CTNNA2: variants seen among roughly 807,000 people sequenced by gnomAD.
The protein encoded by CTNNA2 is catenin alpha-2.
Under a neutral mutation model 101.0 loss-of-function variants are expected in CTNNA2, and 42 were observed. The ratio of observed to expected loss-of-function variants is 0.42; its 90% CI spans 0.32 to 0.54. CTNNA2 has a LOEUF of 0.54. Among genes scored for constraint, CTNNA2 ranks in the 20% least tolerant of loss-of-function variants. CTNNA2 has a pLI of 0.14. For missense variants in CTNNA2, 871 were observed against 1,223.1 expected (o/e 0.71, Z 4.29); for synonymous variants, 450 against 456.4 (o/e 0.99, Z 0.18).
chr2:79,369,875 T>G (rs1677832373), intron 3 of CTNNA2, among the ~76,000 whole-genome samples: 2 of 152,224 alleles, frequency 1.3e-5, no homozygotes, highest in Non-Finnish European at 1.5e-5. Context: ...GTTATTACAG[T>G]TATAATTGCT....
chr2:80,104,315 C>T (rs1259454074), intron 7 of CTNNA2, among the ~76,000 whole-genome samples: 2 of 152,174 alleles, frequency 1.3e-5, no homozygotes, highest in Admixed American at 1.3e-4. Flanking sequence ...ATAAAGACTC[C>T]TGTCCCAAAG....
chr2:79,671,028 A>T (rs186989430), intron 2 of CTNNA2, among the ~76,000 whole-genome samples: 1 of 152,214 alleles, frequency 6.6e-6, no homozygotes, highest in African/African-American at 2.4e-5. Flanking sequence ...CACCTCTAAG[A>T]AGCAAGAATG....
At chr2:80,309,843 C>T (rs1434220335) in intron 7 of CTNNA2, among the ~76,000 whole-genome samples, 30 of 146,068 alleles carry the variant, frequency 2.1e-4, no homozygotes, top group East Asian at 4.1e-4. Context: ...TACAGGCGCC[C>T]GCCACCACAC....
intron 4 of CTNNA2, among the ~76,000 whole-genome samples, chr2:79,411,643 C>A (rs1573153548): frequency 6.6e-6 from 1 of 152,022 alleles, no homozygotes; most frequent in Non-Finnish European, 1.5e-5. Context: ...TCCAGCCAAA[C>A]TAAGCTTCAT....
chr2:79,649,981 T>C (rs1452586226), intron 1 of CTNNA2, among the ~76,000 whole-genome samples: 1 of 152,256 alleles, frequency 6.6e-6, no homozygotes, highest in East Asian at 1.9e-4. Context: ...TTTATAAGGT[T>C]GGAATTGAAT....
chr2:79,810,842 A>G (rs951324358), intron 3 of CTNNA2, among the ~76,000 whole-genome samples: 1 of 151,834 alleles, frequency 6.6e-6, no homozygotes, highest in African/African-American at 2.4e-5. Flanking sequence ...CCATGTCCCT[A>G]CAAAGGACAT....
intron 3 of CTNNA2, among the ~76,000 whole-genome samples, chr2:79,337,592 C>T (rs1558633352): frequency 6.6e-6 from 1 of 152,120 alleles, no homozygotes; most frequent in Non-Finnish European, 1.5e-5. Flanking sequence ...CTTCCTTCTA[C>T]CATTTCACAA....
intron 2 of CTNNA2, among the ~76,000 whole-genome samples, chr2:79,255,383 A>G (rs1376096898): frequency 6.6e-6 from 1 of 152,184 alleles, no homozygotes; most frequent in Admixed American, 6.5e-5. Context: ...CAAATTTACT[A>G]AGTAGAAGGT....
intron 3 of CTNNA2, among the ~76,000 whole-genome samples, chr2:79,795,019 A>G (rs138368078): frequency 1.3e-5 from 2 of 152,318 alleles, no homozygotes; most frequent in Non-Finnish European, 2.9e-5. Context: ...GAATCAGTCT[A>G]ACTGTGAATA....
rs758676012 is a variant in CTNNA2 at position 79,744,598 on chromosome 2, T to C, written c.298+16T>C. 5 of 1,610,886 alleles carry C rather than the reference T, an allele frequency of 3.1e-6. No homozygotes were observed. The African/African-American group carries it at 6.7e-5, about 22-fold the overall frequency. ...CGCAAACAAGGTAGGCAGAATGATA[T>C]TATTGTTCAAGGCGGATCTATACTG... is the stretch of plus-strand genomic sequence containing the variant. On this transcript the variant is annotated intron_variant, in intron 3 of 18. Coordinates refer to ENST00000402739, the MANE Select transcript of CTNNA2 (RefSeq NM_001282597.3).
Position 79,199,663 on chromosome 2 carries a change from A to G in CTNNA2, c.-406+1587A>G, listed in dbSNP as rs1674007083. ...GTTTGTGCTTCTCTAACAAAATACCATAGACTAGGTGACTTAAACAACAGA... is the reference window on the plus strand; with the variant it reads ...GTTTGTGCTTCTCTAACAAAATACCGTAGACTAGGTGACTTAAACAACAGA... On this transcript the variant is annotated intron_variant, in intron 2 of 21. Transcript: ENST00000466387. Among the ~76,000 whole-genome samples the G allele has an allele frequency of 2.0e-5, 3 of 152,268 alleles. No individual in the cohort carries two copies. The South Asian group carries it at 6.2e-4, about 32-fold the overall frequency.
intron 2 of CTNNA2, among the ~76,000 whole-genome samples, chr2:79,659,855 A>G (rs2104520466): frequency 6.6e-6 from 1 of 152,238 alleles, no homozygotes; most frequent in South Asian, 2.1e-4. Flanking sequence ...AATAAAAGTT[A>G]TCCAGGTGTG....
At chr2:79,978,601 GC>G (rs780048289) in intron 7 of CTNNA2, among the ~76,000 whole-genome samples, 28 of 152,226 alleles carry the variant, frequency 1.8e-4, no homozygotes, top group Non-Finnish European at 3.5e-4. Context: ...CAGTCTAGAA[GC>G]CTTAAGTAGG....
In CTNNA2 at chr2:79,213,144, G is replaced by C. The variant is rs1674198417; in HGVS notation, c.-406+15068G>C. 5.3e-5 allele frequency among the ~76,000 whole-genome samples: 8 copies of C among 152,156 alleles called. No individual in the cohort carries two copies. In the South Asian group the frequency reaches 1.7e-3, roughly 32 times the overall value. On this transcript the variant is annotated intron_variant, in intron 2 of 21. Coordinates refer to the CTNNA2 transcript ENST00000466387. ...GGGGAGTAGGTGGGAGTGGCCAGATGAGAAGGAGAAAAACTGAAAGTGAGG... is the reference window on the plus strand; with the variant it reads ...GGGGAGTAGGTGGGAGTGGCCAGATCAGAAGGAGAAAAACTGAAAGTGAGG...
chr2:80,526,997 C>T (rs1302316855), intron 9 of CTNNA2, among the ~76,000 whole-genome samples: 3 of 152,162 alleles, frequency 2.0e-5, no homozygotes, highest in African/African-American at 4.8e-5. Context: ...TGTCTATGGA[C>T]ATGTCTGCAT....
intron 9 of CTNNA2, among the ~76,000 whole-genome samples, chr2:80,462,437 T>C (rs1480347123): frequency 6.6e-6 from 1 of 152,148 alleles, no homozygotes; most frequent in Admixed American, 6.5e-5. Context: ...GTCATTTTAA[T>C]TCTTTTTTAA....
rs945281006 is a variant in CTNNA2 at position 80,509,824 on chromosome 2, G to T, written c.1291-35158G>T. 1.8e-4 allele frequency among the ~76,000 whole-genome samples: 28 copies of T among 152,128 alleles called. 1 individual carries two copies. ...TTATAAGGTAATAGAGCTTGGACTG[G>T]AACGCAGGGCTCCTGTCCTCAGATC... On this transcript the variant is annotated intron_variant, in intron 9 of 18. Transcript: ENST00000402739.
At position 80,647,725 on chromosome 2, in the gene CTNNA2, T is replaced by G. The variant is rs780923434; in HGVS notation, c.2715T>G (p.Ser905=). ...GTAAVNSPVV[S]WKMKAPEKKP... ...CAGCTGTCAACTCACCTGTTGTGTC[T>G]TGGAAGATGAAGGCTCCAGAGAAGA... The change falls in exon 19 of 19, where the codon TCT becomes TCG. Residue 905 remains serine (S), a synonymous_variant. Coordinates refer to ENST00000402739, the MANE Select transcript of CTNNA2 (RefSeq NM_001282597.3). 1.2e-6 allele frequency: 2 copies of G among 1,613,502 alleles called. No homozygotes were observed. The highest frequency in any genetic ancestry group is 1.7e-6 in the Non-Finnish European group (2 of 1,179,588).
chr2:80,152,769 G>A (rs1703784409), intron 7 of CTNNA2, among the ~76,000 whole-genome samples: 2 of 151,884 alleles, frequency 1.3e-5, no homozygotes, highest in Non-Finnish European at 2.9e-5. Context: ...TATTGGTGAT[G>A]TGGACAGGGA....
Sources: gnomAD v4.1 joint callset for allele counts (sites outside exome capture counted in the v4.1 genomes callset) on GRCh38, gnomAD v4.1.1 for gene constraint, MANE v1.5 for transcripts, NCBI Gene and HGNC (gene_info 2026-07-23, HGNC 2026-07-21) for gene names.